Variants in EVC observed in about 807,000 individuals in gnomAD.
The protein encoded by EVC is evC complex member EVC.
Under a neutral mutation model 118.9 loss-of-function variants are expected in EVC, and 116 were observed. The observed-to-expected ratio is 0.98, with a 90% CI of 0.84 to 1.14. EVC has a LOEUF of 1.14. Among genes scored for constraint, EVC ranks in the 50% most tolerant of loss-of-function variants. The pLI, the probability that EVC is intolerant of heterozygous loss-of-function variation, is 0.00. For synonymous variants in EVC, 619 were observed against 534.7 expected (o/e 1.16, Z -2.18); for missense variants, 1,401 against 1,246.4 (o/e 1.12, Z -1.87).
At position 5,711,317 on chromosome 4, in the gene EVC, C is replaced by T; in HGVS notation, c.-64C>T. ...GCCCGGGCTCCAAGTCCCGCGTCGCCGCCCTGGCGGGGACGGTGCAGCAGG... is the reference window on the plus strand; with the variant it reads ...GCCCGGGCTCCAAGTCCCGCGTCGCTGCCCTGGCGGGGACGGTGCAGCAGG... On this transcript the variant is annotated 5_prime_UTR_variant, in exon 1 of 21. Coordinates refer to ENST00000264956, the MANE Select transcript of EVC (RefSeq NM_153717.3). 1 of 992,688 alleles carries T rather than the reference C, an allele frequency of 1.0e-6. No homozygotes were observed. The highest frequency in any genetic ancestry group is 1.2e-6 in the Non-Finnish European group (1 of 831,866). 61.5% of individuals were successfully genotyped at this position (992,688 alleles called of 1,614,324 possible).
At chr4:5,780,023 C>T (rs926285415) in intron 11 of EVC, among the ~76,000 whole-genome samples, 1 of 152,122 alleles carries the variant, frequency 6.6e-6, no homozygotes, top group Non-Finnish European at 1.5e-5. Context: ...CCCATCAATA[C>T]CTAATTGATT....
chr4:5,711,423 C>T lies in EVC; in HGVS notation c.43C>T (p.Leu15=). ...GGCCTGCAAGAGCGACGCGCGGCTGCTGCTGGGGCGGGACGCGCTGCGGCC... is the reference window on the plus strand; with the variant it reads ...GGCCTGCAAGAGCGACGCGCGGCTGTTGCTGGGGCGGGACGCGCTGCGGCC... ...GAACKSDARL[L]LGRDALRPAP... The change falls in exon 1 of 21, where the codon CTG becomes TTG. Residue 15 remains leucine, a synonymous_variant. Transcript: ENST00000264956. 9.7e-7 allele frequency: 1 copy of T among 1,027,808 alleles called. No individual in the cohort carries two copies. Among genetic ancestry groups the T allele is most frequent in the Non-Finnish European group, 1.2e-6 (1 of 860,716 alleles). 63.7% of individuals were successfully genotyped at this position (1,027,808 alleles called of 1,614,324 possible).
intron 1 of EVC, among the ~76,000 whole-genome samples, chr4:5,714,963 C>G (rs1473475095): frequency 9.2e-6 from 1 of 108,570 alleles, no homozygotes; most frequent in Admixed American, 1.1e-4. Flanking sequence ...CACCACCATG[C>G]CTGGCTAATT....
At chr4:5,744,575 G>A (rs1270199415) in intron 6 of EVC, among the ~76,000 whole-genome samples, 1 of 152,118 alleles carries the variant, frequency 6.6e-6, no homozygotes, top group Admixed American at 6.5e-5. Context: ...GGACGATGTG[G>A]CTTACATGCA....
rs901541540 is a variant in EVC at position 5,731,876 on chromosome 4, G to A, written c.617+219G>A. On this transcript the variant is annotated intron_variant, in intron 4 of 20. Transcript: ENST00000264956. This position sits in a 1 kb window ranked among gnomAD's most constrained non-coding sequence, Gnocchi z 5.6. The stretch of plus-strand genomic sequence containing the variant: ...GGTTATGGAGTCAGGCCTGAGCCCC[G>A]GGGAGAGATGACAGGGAGGCCTCAT... Among the ~76,000 whole-genome samples, 8 of 152,206 alleles carry A rather than the reference G, an allele frequency of 5.3e-5. No individual in the cohort carries two copies. Among genetic ancestry groups the A allele is most frequent in the Non-Finnish European group, 2.9e-5 (2 of 68,018 alleles).
chr4:5,821,659 A>G, the EVC span: 1 of 1,133,106 alleles, frequency 8.8e-7, no homozygotes. This position sits in a 1 kb window ranked among gnomAD's most constrained non-coding sequence, Gnocchi z 4.4. Flanking sequence ...CCCTCCCTCC[A>G]TCAGCACCAA....
intron 11 of EVC, among the ~76,000 whole-genome samples, chr4:5,772,193 G>GC (rs1289242046): frequency 1.3e-5 from 2 of 152,168 alleles, no homozygotes; most frequent in African/African-American, 4.8e-5. Flanking sequence ...ACCGTGCCTG[G>GC]CTGTGGCTTT....
Position 5,804,591 on chromosome 4 carries a change from C to T in EVC, c.2450-139C>T, listed in dbSNP as rs935365731. On this transcript the variant is annotated intron_variant, in intron 16 of 20. Transcript: ENST00000264956. ...CTGTGTTGTTTGTGCACACAATGCCCTGTCCCTGTGCTGGTGGAAGGATAC... is the reference window on the plus strand; with the variant it reads ...CTGTGTTGTTTGTGCACACAATGCCTTGTCCCTGTGCTGGTGGAAGGATAC... The T allele has an allele frequency of 5.4e-6, 4 of 738,070 alleles. No individual in the cohort carries two copies. The Admixed American group carries it at 8.1e-5, about 15-fold the overall frequency. 45.7% of individuals were successfully genotyped at this position (738,070 alleles called of 1,614,324 possible).
chr4:5,779,203 TCTGTTTTGGTACCAGTACCATG>T (rs1438748398), intron 11 of EVC, among the ~76,000 whole-genome samples: 21 of 137,624 alleles, frequency 1.5e-4, no homozygotes. Context: ...GATCTATATC[TCTGTTTTGGTACCAGTACCATG>T]CTGTTTTGGT....
Position 5,756,318 on chromosome 4 carries a change from G to A in EVC, c.1519G>A (p.Glu507Lys), listed in dbSNP as rs749475050. The A allele has an allele frequency of 2.5e-6, 4 of 1,612,802 alleles. No individual in the cohort carries two copies. The Admixed American group carries it at 5.0e-5, about 20-fold the overall frequency. Residue 507 changes from glutamate (E) to lysine (K), a missense_variant, in exon 11 of 21, where the codon GAG becomes AAG. Glu to Lys is a moderately conservative substitution (Grantham distance 56). Transcript: ENST00000264956. The surrounding 1 kb of genome is among the most constrained non-coding windows in gnomAD (Gnocchi z 4.2). ...GCTGATGCAGTGTGACCTGGAGGAA[G>A]AGGAGAATGTCAGAGCCACCGAGGC... ...QRLMQCDLEE[E>K]ENVRATEAVV... is the part of the protein sequence containing the mutation.
rs1205400207 is a variant in EVC, at chr4:5,813,721, CCGAG to C, written c.*2686_*2689del. ...AAGGCTCCCGGCTGCCTCCCCGCCA[CCGAG>C]CTTGTAGCCTGAATGCCTGGCTGTC... On this transcript the variant is annotated 3_prime_UTR_variant, in exon 21 of 21. Transcript: ENST00000264956. 4 of 152,330 alleles carry C rather than the reference CCGAG, an allele frequency of 2.6e-5. No individual in the cohort carries two copies. The highest frequency in any genetic ancestry group is 5.9e-5 in the Non-Finnish European group (4 of 68,060). The allele number at this position is 152,330 out of a possible 1,614,324, so 9.4% of individuals were successfully genotyped here.
chr4:5,797,401 T>C, intron 14 of EVC, 169 bp downstream of exon 14: 1 of 656,150 alleles, frequency 1.5e-6, no homozygotes, highest in Non-Finnish European at 2.8e-6. Context: ...CCGGGCAGCT[T>C]ACACTGCACA....
intron 8 of EVC, among the ~76,000 whole-genome samples, chr4:5,750,674 C>T (rs1730211749): frequency 6.6e-6 from 1 of 152,120 alleles, no homozygotes; most frequent in Non-Finnish European, 1.5e-5. Flanking sequence ...AAAGACTTGG[C>T]AGTATGTAAA....
intron 11 of EVC, among the ~76,000 whole-genome samples, chr4:5,762,570 C>A (rs1322392517): frequency 6.1e-5 from 9 of 147,766 alleles, no homozygotes; most frequent in Admixed American, 6.1e-4. Flanking sequence ...CCTGTTGTTT[C>A]CTGACTTTTT....
At chr4:5,740,900 A>C (rs1053368909) in intron 5 of EVC, among the ~76,000 whole-genome samples, 2 of 152,212 alleles carry the variant, frequency 1.3e-5, no homozygotes, top group East Asian at 3.8e-4. Flanking sequence ...ATCACCACAC[A>C]CTTGTCAAAA....
the EVC span, among the ~76,000 whole-genome samples, chr4:5,820,239 A>AACATCACTATC: frequency 6.6e-6 from 1 of 152,170 alleles, no homozygotes; most frequent in African/African-American, 2.4e-5. Context: ...CATTACCAGC[A>AACATCACTATC]ACTTCATCAC....
chr4:5,728,122 T>A (rs1185270905), intron 2 of EVC, among the ~76,000 whole-genome samples: 1 of 152,192 alleles, frequency 6.6e-6, no homozygotes, highest in African/African-American at 2.4e-5. Flanking sequence ...AGTCATTGGC[T>A]GCTTGTTGGG....
rs71171483 is a variant in EVC at position 5,782,536 on chromosome 4, GAAAAAAAAAAA to G, written c.1564-995_1564-985del. Among the ~76,000 whole-genome samples the G allele has an allele frequency of 3.7e-3, 170 of 45,748 alleles. 1 individual carries two copies. The highest frequency in any genetic ancestry group is 8.8e-3 in the African/African-American group (148 of 16,728). The allele number at this position is 45,748 out of a possible 152,430, so 30.0% of individuals were successfully genotyped here. On this transcript the variant is annotated intron_variant, in intron 11 of 20. Transcript: ENST00000264956. ...AGCCTCCCGCTTCCATGTTTTAAAT[GAAAAAAAAAAA>G]AAAAAAAAAAAAAAAAAAAAGATGT...
chr4:5,761,278 T>C (rs1185657894), intron 11 of EVC, among the ~76,000 whole-genome samples: 1 of 152,006 alleles, frequency 6.6e-6, no homozygotes, highest in Non-Finnish European at 1.5e-5. Flanking sequence ...TCTCAGGAGA[T>C]GTTGAGCCCA....
Sources: allele counts gnomAD v4.1 joint callset (sites outside exome capture counted in the v4.1 genomes callset), GRCh38; gene constraint gnomAD v4.1.1; non-coding constraint Gnocchi (gnomAD v3.1); transcripts MANE v1.5; gene names NCBI Gene and HGNC (gene_info 2026-07-23, HGNC 2026-07-21).